MYO5B: variants seen among roughly 807,000 people sequenced by gnomAD.
MYO5B encodes unconventional myosin-Vb.
MYO5B carries 143 observed loss-of-function variants against 229.3 expected under a neutral mutation model. The ratio of observed to expected loss-of-function variants is 0.62; its 90% CI spans 0.54 to 0.72. MYO5B has a LOEUF of 0.72. Ranked by LOEUF, MYO5B falls within the 30% of genes least tolerant of loss-of-function variation. The probability of loss-of-function intolerance (pLI) is 0.00; values close to 1 mark genes in which losing one functional copy is unlikely to be tolerated. For missense variants in MYO5B, 2,321 were observed against 2,331.0 expected (o/e 1.00, Z 0.09); for synonymous variants, 918 against 885.2 (o/e 1.04, Z -0.66).
At chr18:49,971,685 C>G (rs2025693891) in intron 10 of MYO5B, among the ~76,000 whole-genome samples, 1 of 152,194 alleles carries the variant, frequency 6.6e-6, no homozygotes, top group Non-Finnish European at 1.5e-5. Flanking sequence ...GCATGCACTT[C>G]CATATTTAGG....
intron 22 of MYO5B, among the ~76,000 whole-genome samples, chr18:49,893,104 TGGGTGTTTA>T (rs1399558996): frequency 6.6e-6 from 1 of 152,164 alleles, no homozygotes; most frequent in Non-Finnish European, 1.5e-5. Context: ...GATGGAGACT[TGGGTGTTTA>T]GAGTGCTGAA....
chr18:49,894,680 A>C (rs2024756595), intron 22 of MYO5B, among the ~76,000 whole-genome samples: 1 of 152,218 alleles, frequency 6.6e-6, no homozygotes, highest in Non-Finnish European at 1.5e-5. Flanking sequence ...GACCATAAAA[A>C]CAATGCTCAC....
intron 17 of MYO5B, among the ~76,000 whole-genome samples, chr18:49,922,085 A>G (rs1020934191): frequency 6.6e-6 from 1 of 152,160 alleles, no homozygotes; most frequent in Admixed American, 6.5e-5. Context: ...CCAGCACCCA[A>G]CTCAGGTCCC....
intron 1 of MYO5B, among the ~76,000 whole-genome samples, chr18:50,074,285 G>C (rs191971954): frequency 1.7e-3 from 262 of 152,134 alleles, no homozygotes; most frequent in African/African-American, 5.5e-3. Context: ...CCTTCCCCTG[G>C]GTCCCTCCCA....
At chr18:50,084,722 A>C (rs941553240) in intron 1 of MYO5B, among the ~76,000 whole-genome samples, 5 of 152,232 alleles carry the variant, frequency 3.3e-5, no homozygotes, top group African/African-American at 1.2e-4. Flanking sequence ...AGAGACACAG[A>C]TCAATGGAAC....
intron 5 of MYO5B, among the ~76,000 whole-genome samples, chr18:49,995,854 C>G (rs73442565): frequency 1.3e-5 from 2 of 152,128 alleles, no homozygotes; most frequent in Non-Finnish European, 2.9e-5. Flanking sequence ...AATGGAGGCC[C>G]AACTACCACA....
intron 21 of MYO5B, among the ~76,000 whole-genome samples, chr18:49,898,664 G>T (rs1213756642): frequency 6.6e-6 from 1 of 152,156 alleles, no homozygotes; most frequent in East Asian, 1.9e-4. Context: ...CAGCACCACG[G>T]ACAGCTCCAA....
At chr18:49,983,163 AAACTG>A (rs2025834217) in intron 8 of MYO5B, among the ~76,000 whole-genome samples, 1 of 152,190 alleles carries the variant, frequency 6.6e-6, no homozygotes, top group Admixed American at 6.5e-5. Context: ...CTGCTTTATC[AAACTG>A]AAGCTGGGCC....
chr18:50,036,774 T>C, intron 4 of MYO5B, 76 bp downstream of exon 4: 3 of 1,545,350 alleles, frequency 1.9e-6, no homozygotes, highest in Admixed American at 1.7e-5. Context: ...TGAGCATCAG[T>C]TGCAGAGGAA....
intron 1 of MYO5B, among the ~76,000 whole-genome samples, chr18:50,116,391 T>C (rs1006153436): frequency 2.6e-5 from 4 of 152,148 alleles, no homozygotes; most frequent in African/African-American, 9.7e-5. Flanking sequence ...GGATGCTTGT[T>C]CCCCAAATCC....
At position 49,847,389 on chromosome 18, in the gene MYO5B, G is replaced by A. The variant is rs1376079981; in HGVS notation, c.4316-100C>T. ...GGGTGGAGGATGGGACCTGGGGCAG[G>A]GGAAGGGGCATCTCTGGCAGGTGGA... On this transcript the variant is annotated intron_variant, in intron 32 of 39. Transcript: ENST00000285039. The A allele has an allele frequency of 2.8e-6, 4 of 1,443,472 alleles. No homozygotes were observed. In the East Asian group the frequency reaches 9.8e-5, roughly 35 times the overall value. 89.4% of individuals were successfully genotyped at this position (1,443,472 alleles called of 1,614,324 possible). A position where few individuals can be genotyped will look rare whatever the true frequency, so the allele number is the denominator to read the frequency against.
intron 4 of MYO5B, among the ~76,000 whole-genome samples, chr18:50,023,420 T>C (rs906419601): frequency 6.6e-6 from 1 of 152,172 alleles, no homozygotes; most frequent in African/African-American, 2.4e-5. Flanking sequence ...ATTTTGGTTA[T>C]TATCAACCAT....
chr18:50,045,665 G>A (rs1435391174), intron 2 of MYO5B, among the ~76,000 whole-genome samples: 1 of 152,178 alleles, frequency 6.6e-6, no homozygotes, highest in Non-Finnish European at 1.5e-5. Flanking sequence ...TGAGATTACA[G>A]GTGTGAGCCG....
chr18:49,871,775 C>G, intron 27 of MYO5B: 1 of 305,944 alleles, frequency 3.3e-6, no homozygotes, highest in South Asian at 3.3e-5. Context: ...AGCCCCTTTT[C>G]TGTGCATTCC....
chr18:50,076,401 G>C (rs939280257), intron 1 of MYO5B, among the ~76,000 whole-genome samples: 1 of 152,190 alleles, frequency 6.6e-6, no homozygotes, highest in Non-Finnish European at 1.5e-5. Context: ...TGCCTCAGTA[G>C]CATGAGGGTG....
intron 17 of MYO5B, among the ~76,000 whole-genome samples, chr18:49,926,064 ACTCT>A (rs1287947801): frequency 3.3e-5 from 5 of 152,112 alleles, no homozygotes; most frequent in African/African-American, 1.2e-4. Context: ...GGCCCAGGAC[ACTCT>A]CTGTCCTTTT....
intron 1 of MYO5B, among the ~76,000 whole-genome samples, chr18:50,075,901 A>C (rs554504539): frequency 3.3e-5 from 5 of 152,214 alleles, no homozygotes; most frequent in Non-Finnish European, 7.3e-5. Flanking sequence ...CAGCTCTACC[A>C]GTAAATGCAC....
rs190156403 is a variant in MYO5B, at chr18:50,193,609, G to T, written c.27+1158C>A. Among the ~76,000 whole-genome samples, 1,217 of 152,310 alleles carry T rather than the reference G, an allele frequency of 8.0e-3. 13 individuals are homozygous for T. Among genetic ancestry groups the T allele is most frequent in the African/African-American group, 0.027 (1,142 of 41,560 alleles). The stretch of plus-strand genomic sequence containing the variant: ...ACCTGTTGGCCCGGGCGGGTGTCCC[G>T]GGAATCGCATACCCACGCAACGCGC... On this transcript the variant is annotated intron_variant, in intron 1 of 39. Transcript: ENST00000285039.
intron 1 of MYO5B, among the ~76,000 whole-genome samples, chr18:50,068,869 T>C (rs1336184791): frequency 6.6e-6 from 1 of 152,226 alleles, no homozygotes; most frequent in Non-Finnish European, 1.5e-5. Flanking sequence ...TTTAACCACC[T>C]TCCTGCTTCC....
Sources: allele counts gnomAD v4.1 joint callset (sites outside exome capture counted in the v4.1 genomes callset), GRCh38; gene constraint gnomAD v4.1.1; transcripts MANE v1.5; gene names NCBI Gene and HGNC (gene_info 2026-07-23, HGNC 2026-07-21).